Variants in CNGB3 observed in about 807,000 individuals in gnomAD.
CNGB3 encodes cyclic nucleotide-gated channel beta-3.
CNGB3 carries 86 observed loss-of-function variants against 92.8 expected under a neutral mutation model. That is an observed-to-expected ratio of 0.93 (90% CI 0.78 to 1.11). The LOEUF (loss-of-function observed/expected upper bound fraction) is 1.11. Among genes scored for constraint, CNGB3 ranks in the 50% least tolerant of loss-of-function variants. The pLI is 0.00. For missense variants in CNGB3, 1,026 were observed against 956.8 expected, an observed-to-expected ratio of 1.07 and a Z score of -0.95; for synonymous variants, 333 against 332.7, an observed-to-expected ratio of 1.00 and a Z score of -0.01.
At chr8:86,691,352 A>G (rs1370564741) in intron 3 of CNGB3, among the ~76,000 whole-genome samples, 4 of 152,138 alleles carry the variant, frequency 2.6e-5, no homozygotes, top group African/African-American at 9.7e-5. Flanking sequence ...ATCAATTTGG[A>G]TGCCATTGAT....
chr8:86,735,906 A>T (rs1825244850), intron 2 of CNGB3, among the ~76,000 whole-genome samples: 1 of 152,246 alleles, frequency 6.6e-6, no homozygotes, highest in Admixed American at 6.5e-5. Flanking sequence ...TTCTACACAA[A>T]TAGGGTCACT....
In CNGB3 at chr8:86,650,046, G is replaced by GC. The variant is rs566980262; in HGVS notation, c.904-2160dup. 1.6e-3 allele frequency among the ~76,000 whole-genome samples: 241 copies of GC among 150,886 alleles called. 2 individuals carry two copies. Among genetic ancestry groups the GC allele is most frequent in the African/African-American group, 4.4e-3 (180 of 41,276 alleles). Reference sequence around the variant, plus strand: ...AATGGCCAAAAAACATGAAAAAAATGCCCCCCCGCCCAAATTGCATCATAT... The same window carrying GC: ...AATGGCCAAAAAACATGAAAAAAATGCCCCCCCCGCCCAAATTGCATCATAT... On this transcript the variant is annotated intron_variant, in intron 7 of 17. Transcript: ENST00000320005.
Position 86,739,711 on chromosome 8 carries a change from G to T in CNGB3, c.155C>A (p.Ser52Tyr), listed in dbSNP as rs1348237273. 1 of 1,610,826 alleles carries T rather than the reference G, an allele frequency of 6.2e-7. No individual in the cohort carries two copies. The highest frequency in any genetic ancestry group is 1.1e-5 in the South Asian group (1 of 90,994). Reference protein sequence around the residue: ...AQEENKGEEKSLKTKSTPVTS... With the variant: ...AQEENKGEEKYLKTKSTPVTS... ...GACTGGAGTTGACTTGGTTTTGAGA[G>T]ATTTCTCTTCACCTTTGTTTTCTTC... The change falls in exon 2 of 18, where the codon TCT becomes TAT. Residue 52 changes from serine to tyrosine, a missense_variant. Ser to Tyr is a moderately radical substitution (Grantham distance 144). Transcript: ENST00000320005.
At chr8:86,592,062 G>T (rs11987108) in intron 15 of CNGB3, among the ~76,000 whole-genome samples, 7 of 151,368 alleles carry the variant, frequency 4.6e-5, no homozygotes, top group Non-Finnish European at 7.4e-5. Context: ...TTTTAAGCCC[G>T]TCGGAAAAGC....
intron 14 of CNGB3, among the ~76,000 whole-genome samples, chr8:86,608,881 C>T (rs1822464214): frequency 6.6e-6 from 1 of 152,152 alleles, no homozygotes; most frequent in Admixed American, 6.5e-5. Context: ...CACAGCCAGA[C>T]ATTCGGGGCC....
rs1281880216 is a variant in CNGB3 at position 86,666,875 on chromosome 8, A to G, written c.852+50T>C. 5 of 1,425,282 alleles carry G rather than the reference A, an allele frequency of 3.5e-6. No homozygotes were observed. The African/African-American group carries it at 7.1e-5, about 20-fold the overall frequency. 88.3% of individuals were successfully genotyped at this position (1,425,282 alleles called of 1,614,324 possible). ...CAATGCTGTTACTTTTTGTAGCCCA[A>G]TTAGATGTTATTCACGTTTCAGTTT... On this transcript the variant is annotated intron_variant, in intron 6 of 17. Transcript: ENST00000320005.
chr8:86,734,287 C>G (rs1825208207), intron 2 of CNGB3, among the ~76,000 whole-genome samples: 1 of 152,162 alleles, frequency 6.6e-6, no homozygotes. Flanking sequence ...CTGGGCAAGG[C>G]TGGGGGCACC....
At chr8:86,580,531 T>C (rs1202919278) in intron 15 of CNGB3, among the ~76,000 whole-genome samples, 1 of 152,152 alleles carries the variant, frequency 6.6e-6, no homozygotes. Context: ...TGTTCCTCAG[T>C]GTCATAAGCT....
chr8:86,696,070 C>T (rs1232213202), intron 3 of CNGB3, among the ~76,000 whole-genome samples: 3 of 152,142 alleles, frequency 2.0e-5, no homozygotes, highest in Admixed American at 2.0e-4. Flanking sequence ...AAAAGGGACT[C>T]TATGGGAGTC....
chr8:86,642,590 G>T (rs73271587), intron 10 of CNGB3, among the ~76,000 whole-genome samples: 1,566 of 151,722 alleles, frequency 0.01, 24 homozygotes, highest in African/African-American at 0.036. Flanking sequence ...GCTGCAGTGA[G>T]TTGCCCTTCA....
intron 3 of CNGB3, among the ~76,000 whole-genome samples, chr8:86,691,896 T>C (rs1824325328): frequency 6.6e-6 from 1 of 152,154 alleles, no homozygotes; most frequent in Non-Finnish European, 1.5e-5. Context: ...CTGCTTTTGC[T>C]GTATCCAAGA....
In CNGB3 at chr8:86,580,155, C is replaced by A. The variant is rs186086775; in HGVS notation, c.1782-903G>T. On this transcript the variant is annotated intron_variant, in intron 15 of 17. Transcript: ENST00000320005. ...GTGCCACACTTTAAAACCATCAGCTCTCCTGGGAACTCACTCATTATCACG... is the reference window on the plus strand; with the variant it reads ...GTGCCACACTTTAAAACCATCAGCTATCCTGGGAACTCACTCATTATCACG... Among the ~76,000 whole-genome samples the A allele has an allele frequency of 1.0e-3, 149 of 142,440 alleles. 1 individual carries two copies. The highest frequency in any genetic ancestry group is 3.7e-3 in the African/African-American group (141 of 37,682). The allele number at this position is 142,440 out of a possible 152,430, so 93.4% of individuals were successfully genotyped here.
At chr8:86,726,243 C>T (rs774825899) in intron 3 of CNGB3, among the ~76,000 whole-genome samples, 2 of 152,048 alleles carry the variant, frequency 1.3e-5, no homozygotes, top group Non-Finnish European at 2.9e-5. Context: ...AGGCTGTTTC[C>T]ATAATGATAC....
chr8:86,632,858 A>G lies in CNGB3; in HGVS notation c.1214T>C (p.Leu405Ser), dbSNP rs1178528306. The G allele has an allele frequency of 4.3e-6, 7 of 1,612,802 alleles. No homozygotes were observed. The South Asian group carries it at 6.6e-5, about 15-fold the overall frequency. The change falls in exon 11 of 18, where the codon TTA becomes TCA. Residue 405 changes from leucine to serine, a missense_variant. Transcript: ENST00000320005. ...LRCYYWAVRT[L>S]ITIGGLPEPQ... is the part of the protein sequence containing the mutation. The stretch of plus-strand genomic sequence containing the variant: ...TTCTGGAAGGCCACCAATGGTAATT[A>G]AAGTTCGAACTGCCCAATAATAACA...
chr8:86,590,115 A>T (rs1821994452), intron 15 of CNGB3, among the ~76,000 whole-genome samples: 2 of 151,370 alleles, frequency 1.3e-5, no homozygotes, highest in Non-Finnish European at 1.5e-5. Context: ...GTCTCTTTTG[A>T]TCTTTTTTGG....
At chr8:86,674,643 A>C (rs1379593823) in intron 3 of CNGB3, among the ~76,000 whole-genome samples, 1 of 152,338 alleles carries the variant, frequency 6.6e-6, no homozygotes, top group African/African-American at 2.4e-5. Context: ...GCTTCATCTG[A>C]GCTCTGTTTG....
intron 8 of CNGB3, among the ~76,000 whole-genome samples, chr8:86,645,192 C>T (rs1431441830): frequency 6.6e-6 from 1 of 151,250 alleles, no homozygotes; most frequent in African/African-American, 2.4e-5. Context: ...CCGTTCTTGA[C>T]ATTATTCAAA....
chr8:86,626,133 G>T, intron 12 of CNGB3, 53 bp from the exon 13 acceptor site: 1 of 1,399,352 alleles, frequency 7.1e-7, no homozygotes, highest in Non-Finnish European at 1.0e-6. Context: ...AATGAAATAA[G>T]TCACCAAGGT....
At chr8:86,698,304 A>C (rs996077) in intron 3 of CNGB3, among the ~76,000 whole-genome samples, 104,558 of 152,054 alleles carry the variant, frequency 0.69, 36,689 homozygotes, top group African/African-American at 0.83. Flanking sequence ...TTCATCAGGG[A>C]CAAATAACAG....
Sources: gnomAD v4.1 joint callset for allele counts (sites outside exome capture counted in the v4.1 genomes callset) on GRCh38, gnomAD v4.1.1 for gene constraint, MANE v1.5 for transcripts, NCBI Gene and HGNC (gene_info 2026-07-23, HGNC 2026-07-21) for gene names.